The following DIS3 variants were observed in gnomAD, a reference collection of about 807,000 sequenced individuals.
DIS3 encodes DIS3 exosome endoribonuclease and 3'-5' exoribonuclease, also known as exosome complex exonuclease RRP44.
Under a neutral mutation model 113.0 loss-of-function variants are expected in DIS3, and 103 were observed. The observed-to-expected ratio is 0.91, with a 90% CI of 0.78 to 1.07. The LOEUF (loss-of-function observed/expected upper bound fraction) is 1.07. Ranked by LOEUF, DIS3 falls within the 50% of genes least tolerant of loss-of-function variation. The pLI is 0.00. For synonymous variants in DIS3, 402 were observed against 394.3 expected (o/e 1.02, Z -0.23); for missense variants, 1,121 against 1,167.1 (o/e 0.96, Z 0.58).
chr13:72,762,107 A>G lies in DIS3; in HGVS notation c.2158T>C (p.Ser720Pro). The G allele has an allele frequency of 1.2e-6, 2 of 1,613,984 alleles. No homozygotes were observed. The highest frequency in any genetic ancestry group is 1.7e-6 in the Non-Finnish European group (2 of 1,180,000). Residue 720 changes from serine (S) to proline (P), a missense_variant, in exon 17 of 21, where the codon TCT (serine) becomes CCT (proline). Physicochemically the swap from Ser to Pro is moderately conservative, Grantham distance 74 (BLOSUM62 -1). This residue lies in a region of DIS3 where 861 missense variants were observed against 915.5 expected (regional missense o/e 0.94). Coordinates refer to ENST00000377767, the MANE Select transcript of DIS3 (RefSeq NM_014953.5). ...GCCTGATCCAAAGACTCAGCCAAAG[A>G]CTTGGCTGTATCAGTCTTAATTTCC... ...NLEIKTDTAK[S>P]LAESLDQAES...
chr13:72,777,298 A>G, intron 4 of DIS3, 122 bp downstream of exon 4: 2 of 885,442 alleles, frequency 2.3e-6, no homozygotes, highest in Admixed American at 2.3e-5. Flanking sequence ...TTTATAACAC[A>G]ACTATTCCAA....
In DIS3 at chr13:72,754,840, TGAG is replaced by T. The variant is rs2033402615; in HGVS notation, c.*4952_*4954del. 4 of 236,500 alleles carry T rather than the reference TGAG, an allele frequency of 1.7e-5. No homozygotes were observed. Among genetic ancestry groups the T allele is most frequent in the Non-Finnish European group, 3.3e-5 (4 of 121,378 alleles). The allele number at this position is 236,500 out of a possible 1,614,324, so 14.7% of individuals were successfully genotyped here. A position where few individuals can be genotyped will look rare whatever the true frequency, so the allele number is the denominator to read the frequency against. On this transcript the variant is annotated 3_prime_UTR_variant, in exon 21 of 21. Coordinates refer to ENST00000377767, the MANE Select transcript of DIS3 (RefSeq NM_014953.5). ...AAGCAGTCTTACCACCTCAGCCTCCTGAGTAGCTAGGGCTACAGGCATGTGCCA... is the reference window on the plus strand; with the variant it reads ...AAGCAGTCTTACCACCTCAGCCTCCTTAGCTAGGGCTACAGGCATGTGCCA...
chr13:72,770,201 TCTTTGTAAGTTTCTG>T (rs145436783), intron 13 of DIS3, among the ~76,000 whole-genome samples: 17,171 of 152,176 alleles, frequency 0.11, 1,331 homozygotes, highest in Non-Finnish European at 0.17. Context: ...AAGTATATAT[TCTTTGTAAGTTTCTG>T]AATACAGGAC....
intron 16 of DIS3, 105 bp from the exon 17 acceptor site, chr13:72,762,242 G>T: frequency 9.7e-7 from 1 of 1,034,444 alleles, no homozygotes; most frequent in Non-Finnish European, 1.4e-6. Context: ...TCATGTTTTT[G>T]TTATTTTCCT....
At position 72,773,980 on chromosome 13, in the gene DIS3, T is replaced by C; in HGVS notation, c.1067A>G (p.Tyr356Cys). ...GTCAGACTTGGAAAGCATGCCACAA[T>C]ATGGTCTCCAATTCCTTTTTATTAT... ...VGIIKRNWRP[Y>C]CGMLSKSDIK... Residue 356 changes from tyrosine (Y) to cysteine (C), a missense_variant, in exon 7 of 21, where the codon TAT becomes TGT. This residue lies in a region of DIS3 where 861 missense variants were observed against 915.5 expected (regional missense o/e 0.94). Coordinates refer to ENST00000377767, the MANE Select transcript of DIS3 (RefSeq NM_014953.5). The C allele has an allele frequency of 6.2e-7, 1 of 1,612,106 alleles. No individual in the cohort carries two copies. The highest frequency in any genetic ancestry group is 2.2e-5 in the East Asian group (1 of 44,816).
Position 72,775,921 on chromosome 13 carries a change from T to A in DIS3, c.822+4A>T. ...GTGTATAAGGAATTTATTTATATAC[T>A]TGCCTCTTTATTTTCTTCATTGTCG... On this transcript the variant is annotated splice_donor_region_variant and intron_variant, in intron 5 of 20. Coordinates refer to ENST00000377767, the MANE Select transcript of DIS3 (RefSeq NM_014953.5). The A allele has an allele frequency of 6.3e-7, 1 of 1,597,788 alleles. No individual in the cohort carries two copies. Among genetic ancestry groups the A allele is most frequent in the Non-Finnish European group, 8.5e-7 (1 of 1,174,462 alleles).
In DIS3 at chr13:72,765,979, C is replaced by T. The variant is rs767712764; in HGVS notation, c.1963G>A (p.Glu655Lys). The T allele has an allele frequency of 1.2e-6, 2 of 1,604,648 alleles. No homozygotes were observed. The highest frequency in any genetic ancestry group is 2.3e-5 in the South Asian group (2 of 88,476). ...THDPIDLQTK[E>K]LRETNSMVEE... ...ATCAAAAAAATTACAAACCTAAGTTCCTTGGTCTGCAGATCTATAGGATCG... is the reference window on the plus strand; with the variant it reads ...ATCAAAAAAATTACAAACCTAAGTTTCTTGGTCTGCAGATCTATAGGATCG... The change falls in exon 15 of 21, where the codon GAA (glutamate) becomes AAA (lysine). Residue 655 changes from glutamate to lysine, a missense_variant. Physicochemically the swap from Glu to Lys is moderately conservative, Grantham distance 56. This residue lies in a region of DIS3 where 861 missense variants were observed against 915.5 expected (regional missense o/e 0.94). Coordinates refer to ENST00000377767, the MANE Select transcript of DIS3 (RefSeq NM_014953.5).
In DIS3 at chr13:72,755,306, A is replaced by C; in HGVS notation, c.*4489T>G. 8.9e-7 allele frequency: 1 copy of C among 1,127,310 alleles called. No homozygotes were observed. The allele number at this position is 1,127,310 out of a possible 1,614,324, so 69.8% of individuals were successfully genotyped here. A position where few individuals can be genotyped will look rare whatever the true frequency, so the allele number is the denominator to read the frequency against. On this transcript the variant is annotated 3_prime_UTR_variant, in exon 21 of 21. Coordinates refer to ENST00000377767, the MANE Select transcript of DIS3 (RefSeq NM_014953.5). ...TCAACATGATGGTGACTGGGAAAAAATTACTTCAAGTAACATGCTTAGCTT... is the reference window on the plus strand; with the variant it reads ...TCAACATGATGGTGACTGGGAAAAACTTACTTCAAGTAACATGCTTAGCTT...
chr13:72,759,356 C>A lies in DIS3; in HGVS notation c.*439G>T, dbSNP rs938613627. On this transcript the variant is annotated 3_prime_UTR_variant, in exon 21 of 21. Coordinates refer to ENST00000377767, the MANE Select transcript of DIS3 (RefSeq NM_014953.5). ...GGCAAAGGAGATTACATCCTCAACACTGACAGCTTCCAAGACTTAGAAAAG... is the reference window on the plus strand; with the variant it reads ...GGCAAAGGAGATTACATCCTCAACAATGACAGCTTCCAAGACTTAGAAAAG... The A allele has an allele frequency of 9.3e-6, 2 of 214,768 alleles. No homozygotes were observed. The highest frequency in any genetic ancestry group is 1.8e-4 in the South Asian group (1 of 5,424). 13.3% of individuals were successfully genotyped at this position (214,768 alleles called of 1,614,324 possible). A position where few individuals can be genotyped will look rare whatever the true frequency, so the allele number is the denominator to read the frequency against.
At chr13:72,770,076 GAAGA>G (rs2033848656) in intron 13 of DIS3, among the ~76,000 whole-genome samples, 1 of 152,156 alleles carries the variant, frequency 6.6e-6, no homozygotes, top group Admixed American at 6.5e-5. Context: ...GAGAAAATGT[GAAGA>G]AAGAAGTGGT....
chr13:72,773,162 C>G (rs951298158), intron 8 of DIS3, among the ~76,000 whole-genome samples: 1 of 152,084 alleles, frequency 6.6e-6, no homozygotes, highest in African/African-American at 2.4e-5. Flanking sequence ...ATCAATAAAA[C>G]TTATAGGTTT....
In DIS3 at chr13:72,759,019, A is replaced by G. The variant is rs886933501; in HGVS notation, c.*776T>C. On this transcript the variant is annotated 3_prime_UTR_variant, in exon 21 of 21. Coordinates refer to ENST00000377767, the MANE Select transcript of DIS3 (RefSeq NM_014953.5). The stretch of plus-strand genomic sequence containing the variant: ...TGTCTTTATACAGTTCCCCTCGTGT[A>G]TATACACTGATATAACTACAATTTA... 1.7e-5 allele frequency: 3 copies of G among 177,172 alleles called. No individual in the cohort carries two copies. In the East Asian group the frequency reaches 2.8e-4, roughly 17 times the overall value. 11.0% of individuals were successfully genotyped at this position (177,172 alleles called of 1,614,324 possible). A position where few individuals can be genotyped will look rare whatever the true frequency, so the allele number is the denominator to read the frequency against.
At chr13:72,763,279 T>A (rs909140078) in intron 16 of DIS3, among the ~76,000 whole-genome samples, 172 bp downstream of exon 16, 1 of 151,884 alleles carries the variant, frequency 6.6e-6, no homozygotes, top group Non-Finnish European at 1.5e-5. Flanking sequence ...CACTCCAGTC[T>A]GGGTGACAGT....
intron 5 of DIS3, among the ~76,000 whole-genome samples, 184 bp from the exon 6 acceptor site, chr13:72,775,559 T>C (rs2033993577): frequency 6.6e-6 from 1 of 152,094 alleles, no homozygotes; most frequent in African/African-American, 2.4e-5. Flanking sequence ...CAATACCAGG[T>C]AGAAAAAATG....
In DIS3 at chr13:72,776,013, G is replaced by A. The variant is rs2034009444; in HGVS notation, c.734C>T (p.Thr245Ile). The A allele has an allele frequency of 1.2e-6, 2 of 1,611,088 alleles. No individual in the cohort carries two copies. Among genetic ancestry groups the A allele is most frequent in the Non-Finnish European group, 1.7e-6 (2 of 1,179,022 alleles). ...SKLQQGIKSG[T>I]YLQGTFRASR... ...AGCTCTAAATGTTCCTTGAAGGTAT[G>A]TACCAGATTTTATGCCTTGCTGTAG... Residue 245 changes from threonine to isoleucine, a missense_variant, in exon 5 of 21, where the codon ACA becomes ATA. Thr to Ile is a moderately conservative substitution (Grantham distance 89, BLOSUM62 -1). Coordinates refer to ENST00000377767, the MANE Select transcript of DIS3 (RefSeq NM_014953.5).
In DIS3 at chr13:72,762,023, T is replaced by C. The variant is rs1475706044; in HGVS notation, c.2242A>G (p.Met748Val). The C allele has an allele frequency of 1.2e-6, 2 of 1,614,136 alleles. No individual in the cohort carries two copies. The highest frequency in any genetic ancestry group is 2.2e-5 in the East Asian group (1 of 44,866). The change falls in exon 17 of 21, where the codon ATG becomes GTG. Residue 748 changes from methionine (M) to valine (V), a missense_variant. By Grantham distance (21) the Met-to-Val change is conservative (BLOSUM62 1). Coordinates refer to ENST00000377767, the MANE Select transcript of DIS3 (RefSeq NM_014953.5). ...TLLRILATRC[M>V]MQAVYFCSGM... ...GAACAGAAGTACACAGCTTGCATCA[T>C]ACAGCGAGTGGCTAATATTCTCAAC...
rs1485525608 is a variant in DIS3, at chr13:72,755,301, A to G, written c.*4494T>C. The G allele has an allele frequency of 2.6e-6, 3 of 1,171,182 alleles. No homozygotes were observed. The highest frequency in any genetic ancestry group is 1.8e-5 in the Admixed American group (1 of 55,542). 72.5% of individuals were successfully genotyped at this position (1,171,182 alleles called of 1,614,324 possible). Reference sequence around the variant, plus strand: ...CAGGATCAACATGATGGTGACTGGGAAAAAATTACTTCAAGTAACATGCTT... The same window carrying G: ...CAGGATCAACATGATGGTGACTGGGGAAAAATTACTTCAAGTAACATGCTT... On this transcript the variant is annotated 3_prime_UTR_variant, in exon 21 of 21. Transcript: ENST00000377767.
intron 15 of DIS3, among the ~76,000 whole-genome samples, chr13:72,765,020 T>C (rs1479805744): frequency 6.6e-6 from 1 of 152,158 alleles, no homozygotes; most frequent in African/African-American, 2.4e-5. Context: ...TTGAGTATAT[T>C]CCCATTTTTA....
At chr13:72,760,398 T>C in intron 20 of DIS3, 131 bp downstream of exon 20, 2 of 1,085,212 alleles carry the variant, frequency 1.8e-6, no homozygotes, top group South Asian at 1.4e-5. Flanking sequence ...GGATTTGCTA[T>C]GCAAATATTT....
Sources: allele counts gnomAD v4.1 joint callset (sites outside exome capture counted in the v4.1 genomes callset), GRCh38; gene constraint gnomAD v4.1.1; regional missense constraint gnomAD v4.1.1; transcripts MANE v1.5; gene names NCBI Gene and HGNC (gene_info 2026-07-23, HGNC 2026-07-21).